SLC22A8: variants seen among roughly 807,000 people sequenced by gnomAD.
The protein encoded by SLC22A8 is solute carrier family 22 member 8.
A neutral mutation model predicts 48.4 loss-of-function variants in SLC22A8; 40 were observed. The ratio of observed to expected loss-of-function variants is 0.83; its 90% CI spans 0.64 to 1.08. The LOEUF is 1.08. Ranked by LOEUF, SLC22A8 falls within the 50% of genes least tolerant of loss-of-function variation. The pLI is 0.00. For missense variants in SLC22A8, 606 were observed against 699.0 expected (o/e 0.87, Z 1.50); for synonymous variants, 268 against 286.3 (o/e 0.94, Z 0.65).
intron 8 of SLC22A8, 103 bp downstream of exon 8, chr11:62,994,438 CT>C: frequency 3.6e-6 from 3 of 832,208 alleles, no homozygotes; most frequent in Non-Finnish European, 5.9e-6. Flanking sequence ...CAGGGACCTG[CT>C]CAAGGTAACA....
chr11:63,004,095 C>T (rs1236084857), intron 2 of SLC22A8, among the ~76,000 whole-genome samples: 2 of 152,178 alleles, frequency 1.3e-5, no homozygotes, highest in African/African-American at 4.8e-5. Flanking sequence ...GGTCAATTGT[C>T]AGACCTGCTT....
chr11:62,999,621 C>A (rs534309928), intron 4 of SLC22A8, 67 bp downstream of exon 4: 2 of 1,330,524 alleles, frequency 1.5e-6, no homozygotes, highest in South Asian at 1.8e-5. Flanking sequence ...CAGACCCAGA[C>A]CCCATTCTCT....
intron 2 of SLC22A8, among the ~76,000 whole-genome samples, chr11:63,003,784 C>T (rs1048667446): frequency 6.6e-6 from 1 of 152,164 alleles, no homozygotes; most frequent in Non-Finnish European, 1.5e-5. Context: ...CTTTCTTCCC[C>T]TCCTGTTGGT....
At chr11:63,005,665 G>C (rs1236428026) in intron 2 of SLC22A8, among the ~76,000 whole-genome samples, 1 of 152,094 alleles carries the variant, frequency 6.6e-6, no homozygotes. Flanking sequence ...ACATGGGGAT[G>C]TTATGATCCA....
At chr11:63,001,234 T>A (rs553567503) in intron 2 of SLC22A8, among the ~76,000 whole-genome samples, 28 of 152,296 alleles carry the variant, frequency 1.8e-4, no homozygotes, top group Non-Finnish European at 3.4e-4. Context: ...TTGCCACCTC[T>A]CTTCATCCTG....
At position 62,999,083 on chromosome 11, in the gene SLC22A8, T is replaced by G; in HGVS notation, c.599A>C (p.Glu200Ala). Residue 200 changes from glutamate (E) to alanine (A), a missense_variant, in exon 5 of 11, where the codon GAA becomes GCA. By Grantham distance (107) the Glu-to-Ala change is moderately radical (BLOSUM62 -1). Coordinates refer to ENST00000336232, the MANE Select transcript of SLC22A8 (RefSeq NM_004254.4). ...GGCCCGCATCCGGGTAGGCACCCAT[T>G]CCACATCTGTGGGAGGAGTCCAAGC... ...ITLSTVILNV[E>A]WVPTRMRAIM... 1 of 1,612,388 alleles carries G rather than the reference T, an allele frequency of 6.2e-7. No homozygotes were observed. The highest frequency in any genetic ancestry group is 8.5e-7 in the Non-Finnish European group (1 of 1,178,628).
rs2086370191 is a variant in SLC22A8 at position 62,993,548 on chromosome 11, C to T, written c.1405G>A (p.Val469Ile). The change falls in exon 10 of 11, where the codon GTA becomes ATA. Residue 469 changes from valine to isoleucine, a missense_variant. Transcript: ENST00000336232. Reference sequence around the variant, plus strand: ...ATGATATTGGGGATGAAGGGCTGTACCTCACCCGTGATTTTCACCAGCGGG... The same window carrying T: ...ATGATATTGGGGATGAAGGGCTGTATCTCACCCGTGATTTTCACCAGCGGG... ...VSPLVKITGEVQPFIPNIIYG... is the reference protein window; with the variant it reads ...VSPLVKITGEIQPFIPNIIYG... 3 of 1,614,034 alleles carry T rather than the reference C, an allele frequency of 1.9e-6. No individual in the cohort carries two copies. Among genetic ancestry groups the T allele is most frequent in the Non-Finnish European group, 2.5e-6 (3 of 1,179,990 alleles).
chr11:63,003,291 C>G (rs995238642), intron 2 of SLC22A8, among the ~76,000 whole-genome samples: 2 of 152,152 alleles, frequency 1.3e-5, no homozygotes, highest in Admixed American at 6.5e-5. Context: ...GGTGAAGAAC[C>G]AAACATTCCA....
rs142317756 is a variant in SLC22A8, at chr11:63,004,062, A to G, written c.334-3239T>C. Reference sequence around the variant, plus strand: ...TGATAATTAGTGCCTTAAGAAATCAATAATCTGTTTGGATCATGAGAAGGT... The same window carrying G: ...TGATAATTAGTGCCTTAAGAAATCAGTAATCTGTTTGGATCATGAGAAGGT... On this transcript the variant is annotated intron_variant, in intron 2 of 10. Coordinates refer to ENST00000336232, the MANE Select transcript of SLC22A8 (RefSeq NM_004254.4). 7.9e-3 allele frequency among the ~76,000 whole-genome samples: 1,207 copies of G among 152,336 alleles called. 18 individuals are homozygous for G. The highest frequency in any genetic ancestry group is 0.028 in the African/African-American group (1,151 of 41,576).
In SLC22A8 at chr11:63,015,048, C is replaced by A; in HGVS notation, c.-25-65G>T. The A allele has an allele frequency of 2.7e-6, 3 of 1,113,646 alleles. 1 individual carries two copies. Among genetic ancestry groups the A allele is most frequent in the East Asian group, 4.8e-5 (2 of 41,428 alleles). The allele number at this position is 1,113,646 out of a possible 1,614,324, so 69.0% of individuals were successfully genotyped here. A position where few individuals can be genotyped will look rare whatever the true frequency, so the allele number is the denominator to read the frequency against. On this transcript the variant is annotated intron_variant, in intron 1 of 10. Transcript: ENST00000336232. The stretch of plus-strand genomic sequence containing the variant: ...CCTGGTAGTGCGTGGGTCTATGGAA[C>A]GATATGTGGGAGGGTGAACCAGGTG...
At chr11:62,996,605 G>A (rs1335822826) in intron 5 of SLC22A8, among the ~76,000 whole-genome samples, 1 of 152,234 alleles carries the variant, frequency 6.6e-6, no homozygotes, top group Non-Finnish European at 1.5e-5. Context: ...TTGGGAGGGG[G>A]ATGGAGGCTA....
In SLC22A8 at chr11:62,993,331, A is replaced by G; in HGVS notation, c.1535T>C (p.Leu512Pro). The G allele has an allele frequency of 1.2e-6, 2 of 1,613,938 alleles. No individual in the cohort carries two copies. Among genetic ancestry groups the G allele is most frequent in the Non-Finnish European group, 1.7e-6 (2 of 1,179,904 alleles). ...CTCCTGCTTTGGCTTCTTTGCCCGC[A>G]GGGACCTAGGGACAGAGAGCTAAGG... ...ETIEDLENWS[L>P]RAKKPKQEPE... Residue 512 changes from leucine (L) to proline (P), a missense_variant, in exon 11 of 11, where the codon CTG (leucine) becomes CCG (proline). Coordinates refer to ENST00000336232, the MANE Select transcript of SLC22A8 (RefSeq NM_004254.4).
intron 1 of SLC22A8, 97 bp from the exon 2 acceptor site, chr11:63,015,080 C>A: frequency 1.4e-6 from 1 of 735,798 alleles, no homozygotes; most frequent in Non-Finnish European, 2.2e-6. Flanking sequence ...GGTGGATATG[C>A]GAGCACAGGT....
chr11:62,993,360 A>G, intron 10 of SLC22A8, 24 bp from the exon 11 acceptor site: 2 of 1,613,646 alleles, frequency 1.2e-6, no homozygotes, highest in Non-Finnish European at 1.7e-6. Flanking sequence ...GCTAAGGAAA[A>G]GCCCTGGGCC....
intron 8 of SLC22A8, 144 bp from the exon 9 acceptor site, chr11:62,994,022 C>A: frequency 1.5e-6 from 1 of 645,204 alleles, no homozygotes; most frequent in Non-Finnish European, 2.8e-6. Flanking sequence ...CTTTGCATGC[C>A]TGTGTCCTGC....
intron 2 of SLC22A8, among the ~76,000 whole-genome samples, chr11:63,004,188 A>G (rs1202657370): frequency 6.6e-6 from 1 of 152,244 alleles, no homozygotes; most frequent in Non-Finnish European, 1.5e-5. Flanking sequence ...ACTTGTGATC[A>G]TGTAGGCTTT....
In SLC22A8 at chr11:62,999,783, C is replaced by T. The variant is rs1233348501; in HGVS notation, c.497G>A (p.Gly166Asp). 1.9e-5 allele frequency: 30 copies of T among 1,606,110 alleles called. No individual in the cohort carries two copies. The highest frequency in any genetic ancestry group is 2.3e-5 in the Non-Finnish European group (27 of 1,176,138). The part of the protein sequence containing the change: ...SYLLLAASGS[G>D]AAFSPTFPIY... ...GGGGAAGGTGGGGCTGAAGGCTGCACCGGAGCCGCTGGCTGCCAGCAGCAG... is the reference window on the plus strand; with the variant it reads ...GGGGAAGGTGGGGCTGAAGGCTGCATCGGAGCCGCTGGCTGCCAGCAGCAG... The change falls in exon 4 of 11, where the codon GGT becomes GAT. Residue 166 changes from glycine to aspartate, a missense_variant. Transcript: ENST00000336232.
At chr11:62,999,613 G>T in intron 4 of SLC22A8, 75 bp downstream of exon 4, 1 of 1,290,816 alleles carries the variant, frequency 7.7e-7, no homozygotes, top group Non-Finnish European at 1.0e-6. Flanking sequence ...GGTTGAGCCA[G>T]ACCCAGACCC....
chr11:62,999,936 AC>A, intron 3 of SLC22A8, 94 bp from the exon 4 acceptor site: 1 of 1,078,912 alleles, frequency 9.3e-7, no homozygotes, highest in South Asian at 2.9e-5. Flanking sequence ...GCTGAATCCG[AC>A]CCCCAACCTT....
Sources: allele counts gnomAD v4.1 joint callset (sites outside exome capture counted in the v4.1 genomes callset), GRCh38; gene constraint gnomAD v4.1.1; transcripts MANE v1.5; gene names NCBI Gene and HGNC (gene_info 2026-07-23, HGNC 2026-07-21).